Variants in CCNB3 observed in about 807,000 individuals in gnomAD.
The protein encoded by CCNB3 is cyclin B3.
In CCNB3, 12 loss-of-function variants were observed where a neutral mutation model predicts 68.0. The observed-to-expected ratio is 0.18, with a 90% confidence interval of 0.11 to 0.29. CCNB3 has a LOEUF of 0.29. Ranked by LOEUF, CCNB3 falls within the 10% of genes least tolerant of loss-of-function variation. CCNB3 has a pLI of 1.00. For synonymous variants in CCNB3, 354 were observed against 388.9 expected, an observed-to-expected ratio of 0.91 and a Z score of 1.06; for missense variants, 904 against 993.1, an observed-to-expected ratio of 0.91 and a Z score of 1.21.
intron 11 of CCNB3, among the ~76,000 whole-genome samples, chrX:50,350,119 GGGCA>G (rs1923590218): frequency 9.0e-6 from 1 of 110,892 alleles, no homozygotes; most frequent in Non-Finnish European, 1.9e-5. Context: ...GACTCCTCAA[GGGCA>G]GGTCCCTCAT....
chrX:50,285,213 C>T lies in CCNB3; in HGVS notation c.50C>T (p.Ser17Phe), dbSNP rs2147021683. ...PQSSKPVPKK[S>F]QSSKIVPSHH... ...AGCTCCAAACCTGTGCCTAAGAAAT[C>T]TCAGTCCAGCAAAATTGTGCCCAGT... The change falls in exon 3 of 13, where the codon TCT becomes TTT. Residue 17 changes from serine (S) to phenylalanine (F), a missense_variant. Ser to Phe is a radical substitution (Grantham distance 155, BLOSUM62 -2). Around this residue, in one of 2 missense-constraint regions of CCNB3, gnomAD observed 619 missense variants for 609.8 expected, o/e 1.02. Coordinates refer to ENST00000376042, the MANE Select transcript of CCNB3 (RefSeq NM_033031.3). The T allele has an allele frequency of 2.5e-6, 3 of 1,210,863 alleles. No homozygotes were observed. The highest frequency in any genetic ancestry group is 2.3e-4 in the Middle Eastern group (1 of 4,351).
intron 8 of CCNB3, among the ~76,000 whole-genome samples, chrX:50,320,490 G>A (rs1921959590): frequency 9.1e-6 from 1 of 110,068 alleles, no homozygotes; most frequent in South Asian, 3.8e-4. Flanking sequence ...AGTCTTGCTA[G>A]AGGTTTATTA....
At chrX:50,292,674 G>C (rs1936370803) in intron 4 of CCNB3, among the ~76,000 whole-genome samples, 1 of 111,194 alleles carries the variant, frequency 9.0e-6, no homozygotes, top group African/African-American at 3.3e-5. Flanking sequence ...TTTATTATCA[G>C]TATGGACTCC....
intron 12 of CCNB3, 101 bp downstream of exon 12, chrX:50,351,472 G>A (rs1923676833): frequency 9.2e-7 from 1 of 1,092,475 alleles, no homozygotes; most frequent in Non-Finnish European, 1.3e-6. Context: ...AAAAGATTCA[G>A]GCACTTTTCA....
At chrX:50,299,239 A>T (rs1437204459) in intron 5 of CCNB3, among the ~76,000 whole-genome samples, 2 of 110,837 alleles carry the variant, frequency 1.8e-5, no homozygotes, top group African/African-American at 6.6e-5. Context: ...TGTCCATTTT[A>T]GATCTTTCCT....
At chrX:50,318,709 G>A (rs1243041659) in intron 8 of CCNB3, among the ~76,000 whole-genome samples, 1 of 111,836 alleles carries the variant, frequency 8.9e-6, no homozygotes, top group Non-Finnish European at 1.9e-5. Flanking sequence ...AGGTCTGTTT[G>A]CAAGGTTGGC....
chrX:50,228,528 T>A (rs1204539000), intron 1 of CCNB3, among the ~76,000 whole-genome samples: 3 of 89,562 alleles, frequency 3.3e-5, no homozygotes, highest in East Asian at 6.4e-4. Context: ...AGGTTATATC[T>A]ATATAGAATA....
chrX:50,344,410 A>AAAAAAAATTATT (rs1923293276), intron 9 of CCNB3, among the ~76,000 whole-genome samples: 1 of 112,787 alleles, frequency 8.9e-6, no homozygotes, highest in Non-Finnish European at 1.9e-5. Context: ...ATACATACAA[A>AAAAAAAATTATT]TAATTTTTTT....
intron 11 of CCNB3, among the ~76,000 whole-genome samples, chrX:50,349,443 G>A (rs150888420): frequency 1.1e-4 from 12 of 112,267 alleles, no homozygotes. Flanking sequence ...ACATGCTCCT[G>A]TTTGTGTATT....
In CCNB3 at chrX:50,309,993, G is replaced by T; in HGVS notation, c.1824G>T (p.Gln608His). 8.3e-7 allele frequency: 1 copy of T among 1,211,138 alleles called. No individual in the cohort carries two copies. Among genetic ancestry groups the T allele is most frequent in the Non-Finnish European group, 1.1e-6 (1 of 895,049 alleles). The change falls in exon 6 of 13, where the codon CAG becomes CAT. Residue 608 changes from glutamine to histidine, a missense_variant. Transcript: ENST00000376042. ...ACTTAAAGAAGCCACTGGTCTTGCA[G>T]AAGATCACTTCTGAGGAGGAGTCAT... is the stretch of plus-strand genomic sequence containing the variant. Reference protein sequence around the residue: ...MSHLKKPLVLQKITSEEESFY... With the variant: ...MSHLKKPLVLHKITSEEESFY...
In CCNB3 at chrX:50,204,794, T is replaced by C. The variant is rs1388170798; in HGVS notation, c.-269T>C. ...AAGCATTTCCGTCATTCTGAGACAG[T>C]TGGGCTGAGGCGGTTGGTCGCCTCT... is the stretch of plus-strand genomic sequence containing the variant. On this transcript the variant is annotated 5_prime_UTR_variant, in exon 1 of 13. Coordinates refer to ENST00000376042, the MANE Select transcript of CCNB3 (RefSeq NM_033031.3). The C allele has an allele frequency of 9.7e-6, 1 of 102,615 alleles. No homozygotes were observed. The highest frequency in any genetic ancestry group is 3.4e-5 in the African/African-American group (1 of 29,366). The allele number at this position is 102,615 out of a possible 1,213,427, so 8.5% of individuals were successfully genotyped here. A position where few individuals can be genotyped will look rare whatever the true frequency, so the allele number is the denominator to read the frequency against.
chrX:50,342,298 C>T lies in CCNB3; in HGVS notation c.3613C>T (p.Leu1205Phe). 1 of 1,206,581 alleles carries T rather than the reference C, an allele frequency of 8.3e-7. No homozygotes were observed. Among genetic ancestry groups the T allele is most frequent in the Non-Finnish European group, 1.1e-6 (1 of 893,064 alleles). The change falls in exon 9 of 13, where the codon CTC becomes TTC. Residue 1205 changes from leucine to phenylalanine, a missense_variant. Physicochemically the swap from Leu to Phe is conservative, Grantham distance 22 (BLOSUM62 0). Coordinates refer to ENST00000376042, the MANE Select transcript of CCNB3 (RefSeq NM_033031.3). The part of the protein sequence containing the change: ...KAVCKKDKLQ[L>F]LGATAFMIAA... Reference sequence around the variant, plus strand: ...AGTATGCAAGAAGGATAAGTTACAACTCCTTGGTGCCACTGCCTTTATGAT... The same window carrying T: ...AGTATGCAAGAAGGATAAGTTACAATTCCTTGGTGCCACTGCCTTTATGAT...
intron 5 of CCNB3, among the ~76,000 whole-genome samples, chrX:50,307,600 A>G (rs148437123): frequency 0.034 from 3,702 of 110,198 alleles, 170 homozygotes; most frequent in African/African-American, 0.12. Context: ...TATCACCACT[A>G]TCTAATTTTA....
intron 4 of CCNB3, among the ~76,000 whole-genome samples, chrX:50,294,648 A>G (rs1557210569): frequency 9.0e-6 from 1 of 111,442 alleles, no homozygotes; most frequent in African/African-American, 3.3e-5. Flanking sequence ...TACCAGTACT[A>G]CTGCACTGGT....
intron 8 of CCNB3, among the ~76,000 whole-genome samples, chrX:50,315,825 G>C (rs1921699261): frequency 9.0e-6 from 1 of 111,176 alleles, no homozygotes; most frequent in Admixed American, 9.6e-5. Flanking sequence ...CTATAATTTT[G>C]TCATTTCATG....
intron 4 of CCNB3, among the ~76,000 whole-genome samples, chrX:50,290,111 G>A (rs1219153781): frequency 8.9e-6 from 1 of 112,222 alleles, no homozygotes; most frequent in African/African-American, 3.2e-5. Context: ...CAAATCAGGA[G>A]CAGATGCAGC....
chrX:50,293,730 G>A (rs1557210451), intron 4 of CCNB3, among the ~76,000 whole-genome samples: 1 of 111,174 alleles, frequency 9.0e-6, no homozygotes, highest in African/African-American at 3.3e-5. Context: ...ACTAAAAAGA[G>A]TTCCAGATTT....
At chrX:50,206,266 T>A (rs1199956064) in intron 1 of CCNB3, among the ~76,000 whole-genome samples, 4 of 107,552 alleles carry the variant, frequency 3.7e-5, no homozygotes, top group Admixed American at 1.0e-4. Flanking sequence ...AATAAATAAA[T>A]AAAATATACT....
At chrX:50,339,295 A>G (rs938215373) in intron 8 of CCNB3, among the ~76,000 whole-genome samples, 1 of 112,028 alleles carries the variant, frequency 8.9e-6, no homozygotes, top group Non-Finnish European at 1.9e-5. Context: ...GGACAACTCG[A>G]AGTGGGGAGG....
Sources: allele counts gnomAD v4.1 joint callset (sites outside exome capture counted in the v4.1 genomes callset), GRCh38; gene constraint gnomAD v4.1.1; regional missense constraint gnomAD v4.1.1; transcripts MANE v1.5; gene names NCBI Gene and HGNC (gene_info 2026-07-23, HGNC 2026-07-21).